MYO10: variants seen among roughly 807,000 people sequenced by gnomAD.
MYO10 encodes myosin X, also known as unconventional myosin-X.
In MYO10, 133 loss-of-function variants were observed where a neutral mutation model predicts 257.3. The ratio of observed to expected loss-of-function variants is 0.52; its 90% CI spans 0.45 to 0.60. MYO10 has a LOEUF of 0.60. MYO10 is among the 20% of genes least tolerant of loss of function. The pLI is 0.00. For missense variants in MYO10, 2,399 were observed against 2,635.7 expected (o/e 0.91, Z 1.97); for synonymous variants, 1,104 against 1,028.6 (o/e 1.07, Z -1.40).
At chr5:16,774,408 CTTAT>C (rs1009451402) in intron 9 of MYO10, among the ~76,000 whole-genome samples, 7 of 152,164 alleles carry the variant, frequency 4.6e-5, no homozygotes, top group South Asian at 4.1e-4. Context: ...CATCATGTTA[CTTAT>C]TTATTTATTT....
chr5:16,913,934 G>T (rs1394362436), intron 1 of MYO10, among the ~76,000 whole-genome samples: 3 of 152,058 alleles, frequency 2.0e-5, no homozygotes, highest in African/African-American at 7.2e-5. Flanking sequence ...TGGATCACGT[G>T]GGATACTACA....
At chr5:16,844,025 A>T (rs1743559320) in intron 2 of MYO10, among the ~76,000 whole-genome samples, 1 of 152,250 alleles carries the variant, frequency 6.6e-6, no homozygotes, top group Non-Finnish European at 1.5e-5. Flanking sequence ...GAAAACAGAC[A>T]GCAGATAAGT....
intron 1 of MYO10, among the ~76,000 whole-genome samples, chr5:16,926,384 G>A (rs1746133046): frequency 6.6e-6 from 1 of 152,064 alleles, no homozygotes; most frequent in South Asian, 2.1e-4. Flanking sequence ...AGCAAAGCAG[G>A]CCATCTCTAG....
chr5:16,683,250 G>A (rs1022034612), intron 30 of MYO10, among the ~76,000 whole-genome samples: 2 of 152,090 alleles, frequency 1.3e-5, no homozygotes, highest in Admixed American at 6.6e-5. Flanking sequence ...TCTCTGGTCC[G>A]TCCTAGAGAA....
At position 16,699,503 on chromosome 5, in the gene MYO10, G is replaced by C; in HGVS notation, c.3503C>G (p.Ser1168Cys). 6.2e-7 allele frequency: 1 copy of C among 1,613,858 alleles called. No individual in the cohort carries two copies. The highest frequency in any genetic ancestry group is 8.5e-7 in the Non-Finnish European group (1 of 1,179,856). Residue 1168 changes from serine to cysteine, a missense_variant, in exon 26 of 41, where the codon TCT (serine) becomes TGT (cysteine). By Grantham distance (112) the Ser-to-Cys change is moderately radical. Around this residue, in one of 3 missense-constraint regions of MYO10, gnomAD observed 1,820 missense variants for 1,939.4 expected, o/e 0.94. Coordinates refer to ENST00000513610, the MANE Select transcript of MYO10 (RefSeq NM_012334.3). Reference sequence around the variant, plus strand: ...CGGCAGAGTGACACAGCTGTACACAGAGTCACGCCGGTATGAAAGCTCATC... The same window carrying C: ...CGGCAGAGTGACACAGCTGTACACACAGTCACGCCGGTATGAAAGCTCATC... ...TDDELSYRRD[S>C]VYSCVTLPYF...
chr5:16,674,979 T>C lies in MYO10; in HGVS notation c.4838A>G (p.Gln1613Arg), dbSNP rs1190319006. Residue 1613 changes from glutamine (Q) to arginine (R), a missense_variant, in exon 35 of 41, where the codon CAG (glutamine) becomes CGG (arginine). Gln to Arg is a conservative substitution (Grantham distance 43). Transcript: ENST00000513610. The part of the protein sequence containing the change: ...RDELYCQLIK[Q>R]TNKVPHPGSV... Reference sequence around the variant, plus strand: ...GCCGGGGTGGGGCACTTTGTTGGTCTGTTTGATAAGCTGGCAGTACAGCTC... The same window carrying C: ...GCCGGGGTGGGGCACTTTGTTGGTCCGTTTGATAAGCTGGCAGTACAGCTC... 1 of 1,614,020 alleles carries C rather than the reference T, an allele frequency of 6.2e-7. No homozygotes were observed. Among genetic ancestry groups the C allele is most frequent in the East Asian group, 2.2e-5 (1 of 44,882 alleles).
chr5:16,851,479 G>A (rs1228245369), intron 2 of MYO10, among the ~76,000 whole-genome samples: 2 of 152,092 alleles, frequency 1.3e-5, no homozygotes, highest in African/African-American at 4.8e-5. Context: ...TTTGTTATTA[G>A]GATCAATATC....
At chr5:16,709,239 A>T (rs1019491364) in intron 21 of MYO10, among the ~76,000 whole-genome samples, 30 of 152,210 alleles carry the variant, frequency 2.0e-4, no homozygotes, top group Non-Finnish European at 1.3e-4. Flanking sequence ...CAAGACCTAA[A>T]GATGAGTTGG....
chr5:16,837,845 C>T (rs1373756113), intron 2 of MYO10, among the ~76,000 whole-genome samples: 3 of 152,178 alleles, frequency 2.0e-5, no homozygotes, highest in African/African-American at 7.2e-5. Flanking sequence ...TCTACTGCTG[C>T]TGTTTTTACA....
intron 21 of MYO10, among the ~76,000 whole-genome samples, chr5:16,709,136 T>C (rs1159828622): frequency 1.3e-5 from 2 of 152,156 alleles, no homozygotes; most frequent in Non-Finnish European, 2.9e-5. Flanking sequence ...AAGAAGAGGA[T>C]GACCTGGGAC....
At chr5:16,910,099 T>C (rs1480957262) in intron 1 of MYO10, among the ~76,000 whole-genome samples, 2 of 152,078 alleles carry the variant, frequency 1.3e-5, no homozygotes, top group African/African-American at 4.8e-5. Flanking sequence ...GCAACAAAAA[T>C]GGACTAAGAT....
intron 1 of MYO10, among the ~76,000 whole-genome samples, chr5:16,906,929 C>T (rs1161543201): frequency 2.0e-5 from 3 of 151,864 alleles, no homozygotes; most frequent in African/African-American, 4.8e-5. Context: ...CTGGCTAACA[C>T]GATGAAACCC....
chr5:16,852,843 A>C (rs770454040), intron 2 of MYO10, among the ~76,000 whole-genome samples: 1 of 152,168 alleles, frequency 6.6e-6, no homozygotes, highest in Admixed American at 6.5e-5. Flanking sequence ...TAAATGCTTG[A>C]ATTAAAATGC....
At chr5:16,783,187 T>C (rs914337018) in intron 5 of MYO10, 148 bp downstream of exon 5, 6 of 801,064 alleles carry the variant, frequency 7.5e-6, no homozygotes, top group Non-Finnish European at 1.1e-5. Flanking sequence ...TATTACTATG[T>C]GCATGGCAAG....
intron 1 of MYO10, among the ~76,000 whole-genome samples, chr5:16,912,544 G>C (rs919812777): frequency 5.3e-5 from 8 of 152,070 alleles, no homozygotes; most frequent in African/African-American, 1.9e-4. Flanking sequence ...TTCAGGGTAA[G>C]CTTTGGAAGG....
rs186404185 is a variant in MYO10 at position 16,845,913 on chromosome 5, G to A, written c.121-27746C>T. ...CAGGAGGCAGAGGTTGCAGTGAGCC[G>A]AGATCACACCACTGCATTGCAGCCT... On this transcript the variant is annotated intron_variant, in intron 2 of 40. Coordinates refer to ENST00000513610, the MANE Select transcript of MYO10 (RefSeq NM_012334.3). Among the ~76,000 whole-genome samples, 57 of 151,224 alleles carry A rather than the reference G, an allele frequency of 3.8e-4. No homozygotes were observed. In the East Asian group the frequency reaches 9.0e-3, roughly 24 times the overall value.
intron 1 of MYO10, among the ~76,000 whole-genome samples, chr5:16,914,705 C>T (rs918630462): frequency 6.6e-6 from 1 of 152,180 alleles, no homozygotes; most frequent in African/African-American, 2.4e-5. Context: ...GGGATCGTAT[C>T]GCACTAGAAA....
chr5:16,818,226 A>C, intron 2 of MYO10, 59 bp from the exon 3 acceptor site: 3 of 1,344,422 alleles, frequency 2.2e-6, no homozygotes, highest in Non-Finnish European at 3.0e-6. Context: ...TTTTTCACAC[A>C]AGTTTCCCAA....
At chr5:16,897,909 A>T (rs1157959451) in intron 1 of MYO10, among the ~76,000 whole-genome samples, 2 of 152,370 alleles carry the variant, frequency 1.3e-5, no homozygotes, top group East Asian at 3.9e-4. Flanking sequence ...ACTGCTTTTG[A>T]GCATTTCAAG....
Sources: allele counts gnomAD v4.1 joint callset (sites outside exome capture counted in the v4.1 genomes callset), GRCh38; gene constraint gnomAD v4.1.1; regional missense constraint gnomAD v4.1.1; transcripts MANE v1.5; gene names NCBI Gene and HGNC (gene_info 2026-07-23, HGNC 2026-07-21).